LRRC37A2: variants seen among roughly 807,000 people sequenced by gnomAD.
LRRC37A2 encodes the protein leucine rich repeat containing 37 member A2.
Under a neutral mutation model 68.8 loss-of-function variants are expected in LRRC37A2, and 9 were observed. That is an observed-to-expected ratio of 0.13 (90% CI 0.08 to 0.23). The LOEUF is 0.23. Ranked by LOEUF, LRRC37A2 falls within the 10% of genes least tolerant of loss-of-function variation. The pLI is 1.00. For synonymous variants in LRRC37A2, 63 were observed against 367.6 expected (o/e 0.17, Z 9.48); for missense variants, 168 against 950.4 (o/e 0.18, Z 10.82).
At chr17:46,499,608 G>C in the LRRC37A2 span, among the ~76,000 whole-genome samples, 2 of 113,740 alleles carry the variant, frequency 1.8e-5, no homozygotes, top group Non-Finnish European at 3.3e-5. Context: ...GATGAGCCAG[G>C]GGGGCATGAG....
the LRRC37A2 span, among the ~76,000 whole-genome samples, chr17:46,796,919 ACT>A: frequency 2.6e-4 from 39 of 152,260 alleles, 2 homozygotes; most frequent in Admixed American, 2.3e-3. Flanking sequence ...AAGTCAGAGG[ACT>A]CTCAGCTTGG....
the LRRC37A2 span, among the ~76,000 whole-genome samples, chr17:46,792,447 G>A: frequency 5.4e-4 from 82 of 152,276 alleles, no homozygotes; most frequent in Non-Finnish European, 6.5e-4. Flanking sequence ...GTAGTAAGGA[G>A]CCTATTCACT....
the LRRC37A2 span, among the ~76,000 whole-genome samples, chr17:46,494,833 TAAC>T: frequency 7.9e-5 from 12 of 151,120 alleles, 1 homozygote; most frequent in Admixed American, 2.6e-4. Context: ...ATTGGGAAGA[TAAC>T]AAATGTTCTA....
the LRRC37A2 span, among the ~76,000 whole-genome samples, chr17:46,713,579 C>T: frequency 6.6e-6 from 1 of 152,120 alleles, no homozygotes; most frequent in South Asian, 2.1e-4. Flanking sequence ...AACCCTTACA[C>T]TCTGTATATT....
the LRRC37A2 span, chr17:46,935,033 C>CT: frequency 6.2e-7 from 1 of 1,613,038 alleles, no homozygotes; most frequent in South Asian, 1.1e-5. Context: ...TCACAGGACT[C>CT]TGACACCACC....
the LRRC37A2 span, among the ~76,000 whole-genome samples, chr17:47,003,232 C>G: frequency 2.3e-5 from 2 of 88,554 alleles, no homozygotes; most frequent in Non-Finnish European, 4.1e-5. Flanking sequence ...CCAGCCTGGA[C>G]AATAGAGACT....
the LRRC37A2 span, chr17:46,832,851 A>G: frequency 6.5e-6 from 1 of 153,948 alleles, no homozygotes; most frequent in East Asian, 1.9e-4. Flanking sequence ...AAGTATTCCT[A>G]TTGGCTCTGC....
chr17:46,984,578 C>T, the LRRC37A2 span, among the ~76,000 whole-genome samples: 3 of 152,172 alleles, frequency 2.0e-5, no homozygotes, highest in Non-Finnish European at 2.9e-5. Context: ...AGCTGCCACC[C>T]GGAGCTTTAT....
chr17:47,017,610 C>A, the LRRC37A2 span: 1 of 1,597,794 alleles, frequency 6.3e-7, no homozygotes, highest in African/African-American at 1.4e-5. Flanking sequence ...GCTGAGTCCA[C>A]AGGAAAGGCT....
At chr17:46,690,642 T>C in the LRRC37A2 span, among the ~76,000 whole-genome samples, 3 of 129,366 alleles carry the variant, frequency 2.3e-5, no homozygotes, top group Non-Finnish European at 3.2e-5. Flanking sequence ...TATATATATA[T>C]TGTATAGGGA....
the LRRC37A2 span, chr17:46,940,609 G>T: frequency 3.7e-6 from 6 of 1,614,048 alleles, no homozygotes; most frequent in Non-Finnish European, 5.1e-6. Context: ...GCAGGGAGCA[G>T]CTGAGCCATT....
chr17:46,708,150 G>T, the LRRC37A2 span, among the ~76,000 whole-genome samples: 1 of 152,046 alleles, frequency 6.6e-6, no homozygotes, highest in Non-Finnish European at 1.5e-5. Flanking sequence ...GCTGTCATTA[G>T]CATGGCTGTA....
chr17:46,777,197 G>A, the LRRC37A2 span, among the ~76,000 whole-genome samples: 3 of 152,120 alleles, frequency 2.0e-5, no homozygotes, highest in Non-Finnish European at 2.9e-5. Flanking sequence ...GCGACAGAGC[G>A]AGACTTCGTC....
the LRRC37A2 span, among the ~76,000 whole-genome samples, chr17:46,801,569 G>A: frequency 8.1e-6 from 1 of 123,900 alleles, no homozygotes; most frequent in Non-Finnish European, 1.8e-5. Context: ...GCAGTGAGCT[G>A]TGATTGCGCC....
chr17:46,899,540 A>C, the LRRC37A2 span, among the ~76,000 whole-genome samples: 8 of 152,230 alleles, frequency 5.3e-5, 1 homozygote, highest in Non-Finnish European at 1.2e-4. Flanking sequence ...GTATGATTCC[A>C]TTTATATGAA....
At chr17:46,986,144 G>A in the LRRC37A2 span, among the ~76,000 whole-genome samples, 7 of 152,128 alleles carry the variant, frequency 4.6e-5, no homozygotes, top group African/African-American at 1.7e-4. Context: ...GGGCAAGGGG[G>A]GGATGCGGGA....
the LRRC37A2 span, among the ~76,000 whole-genome samples, chr17:47,033,853 A>G: frequency 1.3e-5 from 2 of 152,218 alleles, no homozygotes; most frequent in Non-Finnish European, 2.9e-5. Context: ...TATTTAATAA[A>G]ATTATTTAGA....
the LRRC37A2 span, among the ~76,000 whole-genome samples, chr17:46,825,033 CCTTT>C: frequency 6.6e-6 from 1 of 152,214 alleles, no homozygotes; most frequent in South Asian, 2.1e-4. Flanking sequence ...TTTCTCCTTC[CCTTT>C]CTTTCTCTTC....
At chr17:46,691,755 A>G in the LRRC37A2 span, among the ~76,000 whole-genome samples, 1 of 151,416 alleles carries the variant, frequency 6.6e-6, no homozygotes, top group Non-Finnish European at 1.5e-5. Context: ...GTTAATCCCT[A>G]GTATTTTTTG....
Sources: allele counts gnomAD v4.1 joint callset (sites outside exome capture counted in the v4.1 genomes callset), GRCh38; gene constraint gnomAD v4.1.1; transcripts MANE v1.5; gene names NCBI Gene and HGNC (gene_info 2026-07-23, HGNC 2026-07-21).